PPARD: variants seen among roughly 807,000 people sequenced by gnomAD.
PPARD encodes the protein peroxisome proliferator activated receptor delta.
PPARD carries 6 observed loss-of-function variants against 39.5 expected under a neutral mutation model. The ratio of observed to expected loss-of-function variants is 0.15; its 90% CI spans 0.08 to 0.30. The LOEUF (loss-of-function observed/expected upper bound fraction) is 0.30. Among genes scored for constraint, PPARD ranks in the 10% least tolerant of loss-of-function variants. PPARD has a pLI of 1.00. For missense variants in PPARD, 397 were observed against 596.8 expected, an observed-to-expected ratio of 0.67 and a Z score of 3.49; for synonymous variants, 210 against 231.3, an observed-to-expected ratio of 0.91 and a Z score of 0.83.
At chr6:35,396,425 C>T (rs376942946) in intron 2 of PPARD, among the ~76,000 whole-genome samples, 1 of 148,136 alleles carries the variant, frequency 6.8e-6, no homozygotes, top group Non-Finnish European at 1.5e-5. Flanking sequence ...AGGATGGTCT[C>T]GATCTCCTGA....
intron 3 of PPARD, among the ~76,000 whole-genome samples, chr6:35,418,150 A>G (rs995357774): frequency 2.0e-5 from 3 of 152,252 alleles, no homozygotes; most frequent in Non-Finnish European, 4.4e-5. Flanking sequence ...GCAGACGTGC[A>G]GGCCACAAAG....
At position 35,423,926 on chromosome 6, in the gene PPARD, C is replaced by G. The variant is rs1277683210; in HGVS notation, c.425-20C>G. ...GGGGCCTGCCTGGGCTCCTTGCTGA[C>G]TGCCCCCTTCCCTGTGCAGCTATCC... is the stretch of plus-strand genomic sequence containing the variant. On this transcript the variant is annotated intron_variant, in intron 5 of 7. Transcript: ENST00000360694. The G allele has an allele frequency of 1.2e-6, 2 of 1,612,962 alleles. No individual in the cohort carries two copies. Among genetic ancestry groups the G allele is most frequent in the Non-Finnish European group, 1.7e-6 (2 of 1,179,774 alleles).
chr6:35,377,332 A>G lies in PPARD; in HGVS notation c.-102+30182A>G, dbSNP rs190551719. Among the ~76,000 whole-genome samples, 195 of 152,238 alleles carry G rather than the reference A, an allele frequency of 1.3e-3. 1 individual carries two copies. The highest frequency in any genetic ancestry group is 2.4e-3 in the Non-Finnish European group (162 of 68,008). On this transcript the variant is annotated intron_variant, in intron 2 of 7. Transcript: ENST00000360694. ...ATTTTATCTGGTATTTTTCTGTGATAGTGGTGGAAAGGGGAAGCTCTTTCA... is the reference window on the plus strand; with the variant it reads ...ATTTTATCTGGTATTTTTCTGTGATGGTGGTGGAAAGGGGAAGCTCTTTCA...
At chr6:35,398,834 C>T (rs1386425271) in intron 2 of PPARD, among the ~76,000 whole-genome samples, 2 of 152,112 alleles carry the variant, frequency 1.3e-5, no homozygotes, top group Non-Finnish European at 2.9e-5. Flanking sequence ...GTGACATTGG[C>T]CAGGCGCGGT....
chr6:35,351,244 C>T (rs1761230772), intron 2 of PPARD, among the ~76,000 whole-genome samples: 1 of 151,772 alleles, frequency 6.6e-6, no homozygotes, highest in Admixed American at 6.6e-5. Context: ...CCAGGATGGT[C>T]TCAATCTCCT....
At position 35,428,147 on chromosome 6, in the gene PPARD, A is replaced by G. The variant is rs1766707684; in HGVS notation, c.*2068A>G. On this transcript the variant is annotated 3_prime_UTR_variant, in exon 8 of 8. Transcript: ENST00000360694. ...TATAAATAGTGTACACAGACTGACG[A>G]AACTTTAAATAAATGGGAATTAAAT... The G allele has an allele frequency of 6.6e-6, 1 of 152,650 alleles. No individual in the cohort carries two copies. The highest frequency in any genetic ancestry group is 2.1e-4 in the South Asian group (1 of 4,836). 9.5% of individuals were successfully genotyped at this position (152,650 alleles called of 1,614,324 possible).
intron 2 of PPARD, chr6:35,348,488 A>G (rs570353649): frequency 1.1e-3 from 1,096 of 985,370 alleles, no homozygotes; most frequent in Non-Finnish European, 1.3e-3. Flanking sequence ...TACAATGTTC[A>G]TTGTCCTATT....
At chr6:35,423,054 CAAAAA>C (rs56317397) in intron 5 of PPARD, among the ~76,000 whole-genome samples, 25 of 71,720 alleles carry the variant, frequency 3.5e-4, no homozygotes, top group Middle Eastern at 0.013. Context: ...CTCATCTCTA[CAAAAA>C]AAAAAAAAAA....
chr6:35,368,270 C>T (rs952417580), intron 2 of PPARD, among the ~76,000 whole-genome samples: 1 of 152,228 alleles, frequency 6.6e-6, no homozygotes, highest in African/African-American at 2.4e-5. Context: ...GATAGCCAGA[C>T]ATGCATGGAA....
intron 2 of PPARD, among the ~76,000 whole-genome samples, chr6:35,354,231 CAAAAAAAAAAA>C (rs1347497564): frequency 8.9e-4 from 28 of 31,632 alleles, no homozygotes; most frequent in African/African-American, 3.1e-3. Context: ...GACTCCGTCT[CAAAAAAAAAAA>C]AAAAAAAAAA....
intron 2 of PPARD, among the ~76,000 whole-genome samples, chr6:35,394,534 G>A (rs540481591): frequency 6.6e-6 from 1 of 152,206 alleles, no homozygotes; most frequent in Admixed American, 6.5e-5. Context: ...ACTTTGGGAG[G>A]CCAAGGCAGG....
intron 3 of PPARD, among the ~76,000 whole-genome samples, chr6:35,414,718 G>A (rs1197166738): frequency 1.3e-5 from 2 of 152,144 alleles, no homozygotes; most frequent in Non-Finnish European, 2.9e-5. Flanking sequence ...CTAGTTCTCT[G>A]CCCCATCCCC....
chr6:35,385,003 A>G lies in PPARD; in HGVS notation c.-101-25984A>G, dbSNP rs543369916. On this transcript the variant is annotated intron_variant, in intron 2 of 7. Transcript: ENST00000360694. ...CGCCGGGCCAGCCGCCCCGTCCGGG[A>G]GGGAGGTGGGAGGGGTCAGCCCCCC... Among the ~76,000 whole-genome samples the G allele has an allele frequency of 4.2e-3, 554 of 132,166 alleles. 13 individuals are homozygous for G. The highest frequency in any genetic ancestry group is 7.2e-3 in the Non-Finnish European group (462 of 63,726). The allele number at this position is 132,166 out of a possible 152,430, so 86.7% of individuals were successfully genotyped here.
intron 3 of PPARD, among the ~76,000 whole-genome samples, chr6:35,411,732 A>G (rs1765441864): frequency 6.6e-6 from 1 of 152,260 alleles, no homozygotes; most frequent in East Asian, 1.9e-4. Context: ...AACTAATATT[A>G]TTTTTATGCA....
intron 4 of PPARD, among the ~76,000 whole-genome samples, chr6:35,420,566 T>A: frequency 6.6e-6 from 1 of 152,144 alleles, no homozygotes; most frequent in African/African-American, 2.4e-5. Flanking sequence ...AGAATGAGGG[T>A]CTTGGGCTGA....
At chr6:35,420,819 CTTTTT>C (rs35852986) in intron 4 of PPARD, among the ~76,000 whole-genome samples, 2 of 85,708 alleles carry the variant, frequency 2.3e-5, no homozygotes, top group Non-Finnish European at 4.2e-5. Flanking sequence ...AACAAAGAAG[CTTTTT>C]TTTTTTTTTT....
In PPARD at chr6:35,401,051, G is replaced by A. The variant is rs1019683376; in HGVS notation, c.-101-9936G>A. ...GTGTTTGTATGTGTGTGTCATAGTC[G>A]GGAATCACTGAGACCAGGACCTCTG... On this transcript the variant is annotated intron_variant, in intron 2 of 7. Coordinates refer to ENST00000360694, the MANE Select transcript of PPARD (RefSeq NM_006238.5). This position sits in a 1 kb window ranked among gnomAD's most constrained non-coding sequence, Gnocchi z 4.1. 6.6e-6 allele frequency among the ~76,000 whole-genome samples: 1 copy of A among 152,144 alleles called. No individual in the cohort carries two copies. The highest frequency in any genetic ancestry group is 1.9e-4 in the East Asian group (1 of 5,196).
chr6:35,404,885 G>C (rs1173755505), intron 2 of PPARD, among the ~76,000 whole-genome samples: 1 of 152,042 alleles, frequency 6.6e-6, no homozygotes, highest in East Asian at 1.9e-4. Flanking sequence ...GAAGGGCTGA[G>C]TTTCTTCTTG....
intron 2 of PPARD, among the ~76,000 whole-genome samples, chr6:35,364,998 C>G (rs570812244): frequency 6.6e-6 from 1 of 151,812 alleles, no homozygotes; most frequent in Non-Finnish European, 1.5e-5. Context: ...CGTGAGCCAC[C>G]GCGCCCGGCC....
Sources: gnomAD v4.1 joint callset for allele counts (sites outside exome capture counted in the v4.1 genomes callset) on GRCh38, gnomAD v4.1.1 for gene constraint, Gnocchi (gnomAD v3.1) non-coding constraint, MANE v1.5 for transcripts, NCBI Gene and HGNC (gene_info 2026-07-23, HGNC 2026-07-21) for gene names.